Variants in CRY1 observed in about 807,000 individuals in gnomAD.
The protein encoded by CRY1 is cryptochrome-1.
In CRY1, 45 loss-of-function variants were observed where a neutral mutation model predicts 76.0. The ratio of observed to expected loss-of-function variants is 0.59; its 90% CI spans 0.47 to 0.76. The LOEUF (loss-of-function observed/expected upper bound fraction) is 0.76, where lower values mean the gene tolerates loss of function less well. Ranked by LOEUF, CRY1 falls within the 30% of genes least tolerant of loss-of-function variation. CRY1 has a pLI of 0.00. For synonymous variants in CRY1, 248 were observed against 244.0 expected (o/e 1.02, Z -0.15); for missense variants, 587 against 716.4 (o/e 0.82, Z 2.06).
intron 1 of CRY1, among the ~76,000 whole-genome samples, chr12:107,084,547 T>C (rs1291587439): frequency 2.6e-5 from 4 of 151,198 alleles, no homozygotes; most frequent in Non-Finnish European, 4.4e-5. Flanking sequence ...AACCATCTGA[T>C]CTTGACAAAA....
intron 1 of CRY1, among the ~76,000 whole-genome samples, chr12:107,023,349 T>C (rs1952577950): frequency 6.6e-6 from 1 of 152,170 alleles, no homozygotes; most frequent in Non-Finnish European, 1.5e-5. Context: ...ATCAGTTCCT[T>C]AGTCACACTT....
chr12:107,085,039 A>T (rs939443025), intron 1 of CRY1, among the ~76,000 whole-genome samples: 1 of 152,132 alleles, frequency 6.6e-6, no homozygotes, highest in Non-Finnish European at 1.5e-5. Flanking sequence ...AAAGACATTT[A>T]TGTGGCCAAA....
chr12:107,039,308 G>C (rs1320625399), intron 1 of CRY1, among the ~76,000 whole-genome samples: 1 of 152,080 alleles, frequency 6.6e-6, no homozygotes, highest in African/African-American at 2.4e-5. Flanking sequence ...CAAAGGAACT[G>C]GCAACAAAAG....
At chr12:107,034,633 T>C (rs114396863) in intron 1 of CRY1, among the ~76,000 whole-genome samples, 1,962 of 152,230 alleles carry the variant, frequency 0.013, 47 homozygotes, top group African/African-American at 0.045. Context: ...GTAATGTCAA[T>C]ATTCAGAAAT....
intron 10 of CRY1, 143 bp downstream of exon 10, chr12:106,997,151 C>A: frequency 2.8e-6 from 2 of 703,712 alleles, no homozygotes; most frequent in South Asian, 3.6e-5. Context: ...TCTGGGTGCA[C>A]ATGTATGCAT....
intron 1 of CRY1, among the ~76,000 whole-genome samples, chr12:107,046,733 T>C (rs1952852965): frequency 6.6e-6 from 1 of 152,070 alleles, no homozygotes; most frequent in Admixed American, 6.6e-5. Context: ...CAAAAAGGAA[T>C]AGCAATATTT....
chr12:107,016,164 G>C (rs1952496438), intron 2 of CRY1, among the ~76,000 whole-genome samples: 1 of 152,018 alleles, frequency 6.6e-6, no homozygotes, highest in South Asian at 2.1e-4. Flanking sequence ...ACAAAAATTA[G>C]CTGGGCATGG....
chr12:107,001,561 G>C (rs8192438), intron 4 of CRY1, among the ~76,000 whole-genome samples, 193 bp from the exon 5 acceptor site: 2 of 152,138 alleles, frequency 1.3e-5, no homozygotes, highest in Non-Finnish European at 2.9e-5. Flanking sequence ...TCTTAAGGTG[G>C]TAACAATAGA....
intron 1 of CRY1, among the ~76,000 whole-genome samples, chr12:107,050,581 G>A (rs1952906610): frequency 6.6e-6 from 1 of 152,148 alleles, no homozygotes; most frequent in Non-Finnish European, 1.5e-5. Flanking sequence ...AGTTTCCTGA[G>A]GCCCTCAACA....
intron 1 of CRY1, among the ~76,000 whole-genome samples, chr12:107,066,870 G>A (rs1953118188): frequency 6.6e-6 from 1 of 151,984 alleles, no homozygotes; most frequent in African/African-American, 2.4e-5. Context: ...GGAGATCATG[G>A]CTCACCACAC....
chr12:107,055,988 T>A (rs912886018), intron 1 of CRY1, among the ~76,000 whole-genome samples: 1 of 152,176 alleles, frequency 6.6e-6, no homozygotes, highest in African/African-American at 2.4e-5. Flanking sequence ...TTAAGATATA[T>A]AAAATATCTC....
chr12:107,069,835 A>C (rs917451470), intron 1 of CRY1, among the ~76,000 whole-genome samples: 3 of 150,592 alleles, frequency 2.0e-5, no homozygotes, highest in East Asian at 1.9e-4. Flanking sequence ...TGAACAAGAC[A>C]ATTAAAAGGT....
intron 1 of CRY1, among the ~76,000 whole-genome samples, chr12:107,032,037 C>T (rs372190564): frequency 2.0e-5 from 3 of 152,162 alleles, no homozygotes; most frequent in South Asian, 4.1e-4. Flanking sequence ...CGGGTTCAAG[C>T]GATTCTCCTG....
rs1952182281 is a variant in CRY1 at position 106,991,742 on chromosome 12, A to G, written c.*260T>C. Reference sequence around the variant, plus strand: ...CCATACATGAAAAATTATCAAAAATATATCGATGGGTCTATACTAATTGTG... The same window carrying G: ...CCATACATGAAAAATTATCAAAAATGTATCGATGGGTCTATACTAATTGTG... On this transcript the variant is annotated 3_prime_UTR_variant, in exon 13 of 13. Coordinates refer to ENST00000008527, the MANE Select transcript of CRY1 (RefSeq NM_004075.5). 6.6e-6 allele frequency: 1 copy of G among 152,614 alleles called. No homozygotes were observed. Among genetic ancestry groups the G allele is most frequent in the African/African-American group, 2.4e-5 (1 of 41,454 alleles). The allele number at this position is 152,614 out of a possible 1,614,324, so 9.5% of individuals were successfully genotyped here. A position where few individuals can be genotyped will look rare whatever the true frequency, so the allele number is the denominator to read the frequency against.
chr12:107,016,939 A>C (rs1952502870), intron 2 of CRY1, among the ~76,000 whole-genome samples: 1 of 151,998 alleles, frequency 6.6e-6, no homozygotes, highest in Non-Finnish European at 1.5e-5. Context: ...AAACCCTACC[A>C]CTTCTCAACA....
At chr12:107,081,359 T>C (rs1953322725) in intron 1 of CRY1, among the ~76,000 whole-genome samples, 1 of 152,088 alleles carries the variant, frequency 6.6e-6, no homozygotes, top group African/African-American at 2.4e-5. Flanking sequence ...CAATATTTAA[T>C]GCCTACTATG....
chr12:107,060,468 C>G (rs1485681460), intron 1 of CRY1, among the ~76,000 whole-genome samples: 1 of 152,162 alleles, frequency 6.6e-6, no homozygotes, highest in African/African-American at 2.4e-5. Flanking sequence ...GCCTCCAAAC[C>G]CATAAGCAAT....
intron 2 of CRY1, among the ~76,000 whole-genome samples, chr12:107,014,263 G>A (rs973952537): frequency 6.6e-6 from 1 of 152,192 alleles, no homozygotes; most frequent in Admixed American, 6.5e-5. Flanking sequence ...TGTCCACCAG[G>A]TGGCATAGAA....
intron 1 of CRY1, among the ~76,000 whole-genome samples, chr12:107,072,529 C>G (rs1357165591): frequency 1.3e-5 from 2 of 152,172 alleles, no homozygotes; most frequent in African/African-American, 4.8e-5. Flanking sequence ...TTATGGAACA[C>G]AGAAGTCCTA....
Sources: allele counts gnomAD v4.1 joint callset (sites outside exome capture counted in the v4.1 genomes callset), GRCh38; gene constraint gnomAD v4.1.1; transcripts MANE v1.5; gene names NCBI Gene and HGNC (gene_info 2026-07-23, HGNC 2026-07-21).